The following FAM120B variants were observed in gnomAD, a reference collection of about 807,000 sequenced individuals.
FAM120B encodes the protein family with sequence similarity 120 member B.
In FAM120B, 83 loss-of-function variants were observed where a neutral mutation model predicts 96.3. The ratio of observed to expected loss-of-function variants is 0.86; its 90% CI spans 0.72 to 1.03. FAM120B has a LOEUF of 1.03. Ranked by LOEUF, FAM120B falls within the 50% of genes least tolerant of loss-of-function variation. The pLI, the probability that FAM120B is intolerant of heterozygous loss-of-function variation, is 0.00. For missense variants in FAM120B, 1,027 were observed against 1,121.2 expected, an observed-to-expected ratio of 0.92 and a Z score of 1.20; for synonymous variants, 407 against 402.7, an observed-to-expected ratio of 1.01 and a Z score of -0.13.
intron 6 of FAM120B, among the ~76,000 whole-genome samples, chr6:170,376,570 A>G (rs562335181): frequency 5.9e-5 from 9 of 152,264 alleles, no homozygotes; most frequent in Admixed American, 3.9e-4. Flanking sequence ...GCAGAGCGGT[A>G]TGCAAGAAAA....
chr6:170,361,235 T>TACAC (rs55983019), intron 6 of FAM120B, among the ~76,000 whole-genome samples: 3 of 90,050 alleles, frequency 3.3e-5, no homozygotes, highest in Non-Finnish European at 7.0e-5. Flanking sequence ...TATATATATA[T>TACAC]ACACGTATAT....
At chr6:170,294,181 C>T (rs746693812), upstream of FAM120B, among the ~76,000 whole-genome samples, 5 of 152,196 alleles carry the variant, frequency 3.3e-5, no homozygotes, top group Non-Finnish European at 7.3e-5. This position sits in a 1 kb window ranked among gnomAD's most constrained non-coding sequence, Gnocchi z 7.9. Context: ...CAGTGTTGGC[C>T]CCGGCTGCCG....
rs553045351 is a variant in FAM120B, at chr6:170,342,868, G to A, written c.2018-5283G>A. 9.2e-5 allele frequency among the ~76,000 whole-genome samples: 14 copies of A among 152,300 alleles called. 1 individual carries two copies. In the South Asian group the frequency reaches 2.7e-3, roughly 29 times the overall value. ...ATGAGGCTCTGGGTGAAACATGAGG[G>A]CCACCTTCGATCTTTATTGGCAAAG... is the stretch of plus-strand genomic sequence containing the variant. On this transcript the variant is annotated intron_variant, in intron 4 of 10. Transcript: ENST00000476287.
intron 6 of FAM120B, among the ~76,000 whole-genome samples, chr6:170,372,232 G>A (rs1474503600): frequency 6.6e-6 from 1 of 151,986 alleles, no homozygotes; most frequent in Non-Finnish European, 1.5e-5. Flanking sequence ...TTTTATACTT[G>A]ATTTAGTCCT....
intron 1 of FAM120B, among the ~76,000 whole-genome samples, chr6:170,313,567 A>T (rs1784726382): frequency 6.6e-6 from 1 of 152,194 alleles, no homozygotes; most frequent in Admixed American, 6.5e-5. Flanking sequence ...CTTACTCTCC[A>T]TTAGAGTACA....
chr6:170,291,457 G>C (rs915904843), upstream of FAM120B, among the ~76,000 whole-genome samples: 5 of 152,118 alleles, frequency 3.3e-5, no homozygotes, highest in African/African-American at 9.7e-5. Context: ...GACGAAGTTC[G>C]AGGCCCGAGC....
intron 4 of FAM120B, among the ~76,000 whole-genome samples, chr6:170,331,986 G>A (rs1038628003): frequency 1.2e-4 from 18 of 152,220 alleles, no homozygotes; most frequent in Non-Finnish European, 1.9e-4. Flanking sequence ...ACTTTTATAC[G>A]GAGGGCCACG....
intron 9 of FAM120B, among the ~76,000 whole-genome samples, chr6:170,398,281 G>A (rs559274924): frequency 1.3e-5 from 2 of 152,256 alleles, no homozygotes; most frequent in African/African-American, 4.8e-5. Context: ...AATGGTGGGT[G>A]AGACATTAGT....
Position 170,348,307 on chromosome 6 carries a change from T to A in FAM120B, c.2174T>A (p.Ile725Asn). The change falls in exon 5 of 11, where the codon ATC becomes AAC. Residue 725 changes from isoleucine (I) to asparagine (N), a missense_variant. Ile to Asn is a moderately radical substitution (Grantham distance 149, BLOSUM62 -3). This residue lies in a region of FAM120B where 880 missense variants were observed against 980.9 expected (regional missense o/e 0.90). Transcript: ENST00000476287. ...SPFQALCCLL[I>N]YLFVQVDTLC... ...TTTCAAGCTTTGTGCTGCCTCTTGATCTACCTCTTTGTCCAGGTAATGTCC... is the reference window on the plus strand; with the variant it reads ...TTTCAAGCTTTGTGCTGCCTCTTGAACTACCTCTTTGTCCAGGTAATGTCC... The A allele has an allele frequency of 6.2e-7, 1 of 1,613,080 alleles. No homozygotes were observed.
At chr6:170,332,342 A>G (rs1382423772) in intron 4 of FAM120B, among the ~76,000 whole-genome samples, 1 of 152,236 alleles carries the variant, frequency 6.6e-6, no homozygotes, top group Non-Finnish European at 1.5e-5. Flanking sequence ...TTAGACAAAA[A>G]TGGAAAACAG....
intron 6 of FAM120B, among the ~76,000 whole-genome samples, chr6:170,378,024 C>G (rs1789670395): frequency 6.6e-6 from 1 of 152,222 alleles, no homozygotes; most frequent in Non-Finnish European, 1.5e-5. Context: ...AGTCAGTCAG[C>G]CCTTTCAAGC....
chr6:170,389,313 C>T (rs1790358183), intron 7 of FAM120B, among the ~76,000 whole-genome samples: 1 of 152,148 alleles, frequency 6.6e-6, no homozygotes, highest in South Asian at 2.1e-4. Flanking sequence ...GTTTTCACTG[C>T]ATCCATCACA....
intron 8 of FAM120B, among the ~76,000 whole-genome samples, chr6:170,394,045 G>C (rs1004636615): frequency 6.6e-6 from 1 of 152,220 alleles, no homozygotes; most frequent in South Asian, 2.1e-4. Flanking sequence ...GAGACCACGT[G>C]TGTAAGATGA....
chr6:170,313,611 C>T (rs1025386649), intron 1 of FAM120B, among the ~76,000 whole-genome samples: 2 of 152,156 alleles, frequency 1.3e-5, no homozygotes, highest in African/African-American at 2.4e-5. Context: ...TTTGTAGATT[C>T]GAGATGCGAA....
In FAM120B at chr6:170,330,868, GC is replaced by G. The variant is rs144883719; in HGVS notation, c.2017+322del. 2,806 of 281,744 alleles carry G rather than the reference GC, an allele frequency of 1.0e-2. 128 individuals carry two copies. In the East Asian group the frequency reaches 0.11, roughly 11 times the overall value. 17.5% of individuals were successfully genotyped at this position (281,744 alleles called of 1,614,324 possible). A position where few individuals can be genotyped will look rare whatever the true frequency, so the allele number is the denominator to read the frequency against. On this transcript the variant is annotated intron_variant, in intron 4 of 10. Coordinates refer to ENST00000476287, the MANE Select transcript of FAM120B (RefSeq NM_032448.3). ...GTGGTCAGCGCATGTTGCTGCCGCAGCCCCAGTGCCTGATGTCTAGTTGTTG... is the reference window on the plus strand; with the variant it reads ...GTGGTCAGCGCATGTTGCTGCCGCAGCCCAGTGCCTGATGTCTAGTTGTTG...
chr6:170,337,552 G>A (rs1786523552), intron 4 of FAM120B, among the ~76,000 whole-genome samples: 2 of 152,198 alleles, frequency 1.3e-5, no homozygotes, highest in African/African-American at 4.8e-5. Flanking sequence ...CATAAAATGA[G>A]TTAGGGAAAA....
chr6:170,322,780 G>A (rs574988209), intron 2 of FAM120B, among the ~76,000 whole-genome samples: 27 of 152,130 alleles, frequency 1.8e-4, no homozygotes, highest in Non-Finnish European at 3.5e-4. Flanking sequence ...AGCAATACTG[G>A]TGAGAAGTAG....
intron 8 of FAM120B, among the ~76,000 whole-genome samples, chr6:170,393,882 G>A (rs928819453): frequency 1.3e-5 from 2 of 151,980 alleles, no homozygotes; most frequent in Non-Finnish European, 1.5e-5. Context: ...CTGCTTCCAC[G>A]GGCCGCACAG....
At chr6:170,389,620 G>A (rs573613901) in intron 7 of FAM120B, among the ~76,000 whole-genome samples, 3 of 151,956 alleles carry the variant, frequency 2.0e-5, no homozygotes, top group East Asian at 3.9e-4. Context: ...ATGCAGTGGT[G>A]CAATCTCCAC....
Sources: allele counts gnomAD v4.1 joint callset (sites outside exome capture counted in the v4.1 genomes callset), GRCh38; gene constraint gnomAD v4.1.1; regional missense constraint gnomAD v4.1.1; non-coding constraint Gnocchi (gnomAD v3.1); transcripts MANE v1.5; gene names NCBI Gene and HGNC (gene_info 2026-07-23, HGNC 2026-07-21).